The following LINGO2 variants were observed in gnomAD, a reference collection of about 807,000 sequenced individuals.
The protein encoded by LINGO2 is leucine rich repeat and Ig domain containing 2.
Under a neutral mutation model 30.6 loss-of-function variants are expected in LINGO2, and 14 were observed. The ratio of observed to expected loss-of-function variants is 0.46; its 90% CI spans 0.30 to 0.72. The LOEUF (loss-of-function observed/expected upper bound fraction) is 0.72, where lower values mean the gene tolerates loss of function less well. LINGO2 is among the 30% of genes least tolerant of loss of function. The pLI is 0.07. For missense variants in LINGO2, 729 were observed against 751.7 expected (o/e 0.97, Z 0.35); for synonymous variants, 317 against 288.5 (o/e 1.10, Z -1.00).
chr9:28,516,010 C>T (rs1262745471), intron 1 of LINGO2, among the ~76,000 whole-genome samples: 1 of 152,172 alleles, frequency 6.6e-6, no homozygotes, highest in Non-Finnish European at 1.5e-5. Context: ...CAAGATCTTC[C>T]ACCAGCAAAA....
chr9:28,232,683 T>C (rs1821401080), intron 4 of LINGO2, among the ~76,000 whole-genome samples: 1 of 151,966 alleles, frequency 6.6e-6, no homozygotes, highest in Admixed American at 6.6e-5. Flanking sequence ...ACTGCAGTCA[T>C]TATTCTGTAC....
At chr9:28,944,142 T>C in the LINGO2 span, among the ~76,000 whole-genome samples, 2 of 152,170 alleles carry the variant, frequency 1.3e-5, no homozygotes, top group African/African-American at 4.8e-5. Context: ...TCTAGACAGT[T>C]ATCTTTGTCT....
At chr9:28,517,629 C>T (rs562585152) in intron 1 of LINGO2, among the ~76,000 whole-genome samples, 3 of 152,312 alleles carry the variant, frequency 2.0e-5, no homozygotes, top group Non-Finnish European at 2.9e-5. Context: ...ATTTGGAAAG[C>T]AGTCATCTAG....
chr9:28,771,455 GTGTGTGTGT>G, the LINGO2 span, among the ~76,000 whole-genome samples: 862 of 67,616 alleles, frequency 0.013, 11 homozygotes, highest in African/African-American at 0.05. Flanking sequence ...CCTATTTGGT[GTGTGTGTGT>G]GTGTGTGTGT....
the LINGO2 span, among the ~76,000 whole-genome samples, chr9:28,719,248 T>G: frequency 6.6e-6 from 1 of 152,032 alleles, no homozygotes; most frequent in Non-Finnish European, 1.5e-5. Context: ...CTCCTCTCTC[T>G]TAGCTCTTTC....
chr9:28,320,063 G>A (rs1385383740), intron 3 of LINGO2, among the ~76,000 whole-genome samples: 2 of 151,974 alleles, frequency 1.3e-5, no homozygotes, highest in East Asian at 1.9e-4. Flanking sequence ...CCAGCTATAC[G>A]AATATTTTAG....
chr9:28,848,782 C>A, the LINGO2 span, among the ~76,000 whole-genome samples: 1 of 151,788 alleles, frequency 6.6e-6, no homozygotes, highest in African/African-American at 2.4e-5. Flanking sequence ...ATATTGTAAT[C>A]CCATCCTGAG....
At chr9:27,970,014 G>C (rs1160101916) in intron 5 of LINGO2, among the ~76,000 whole-genome samples, 6 of 152,134 alleles carry the variant, frequency 3.9e-5, no homozygotes, top group Admixed American at 1.3e-4. Flanking sequence ...CTTTATCAAG[G>C]CCTCATAATG....
intron 3 of LINGO2, among the ~76,000 whole-genome samples, chr9:28,348,632 T>C (rs536404604): frequency 1.0e-3 from 153 of 152,264 alleles, no homozygotes; most frequent in Middle Eastern, 3.4e-3. Context: ...AAGCTGGAAC[T>C]GGGTGGAGCC....
At chr9:28,337,823 G>A (rs1825638624) in intron 3 of LINGO2, among the ~76,000 whole-genome samples, 1 of 152,106 alleles carries the variant, frequency 6.6e-6, no homozygotes, top group South Asian at 2.1e-4. Context: ...GATTTCAGAG[G>A]ATGTATGGAA....
chr9:28,515,204 A>ATTT (rs58265226), intron 1 of LINGO2, among the ~76,000 whole-genome samples: 1 of 102,980 alleles, frequency 9.7e-6, no homozygotes, highest in African/African-American at 3.3e-5. Flanking sequence ...TAAGAAATAC[A>ATTT]TTTTTTTTTT....
chr9:28,109,503 C>T (rs1826706113), intron 4 of LINGO2, among the ~76,000 whole-genome samples: 1 of 152,130 alleles, frequency 6.6e-6, no homozygotes, highest in African/African-American at 2.4e-5. Context: ...ACCTAATCCA[C>T]TCACCCCCAA....
chr9:29,162,109 G>A, the LINGO2 span, among the ~76,000 whole-genome samples: 2 of 151,912 alleles, frequency 1.3e-5, no homozygotes, highest in Non-Finnish European at 2.9e-5. Context: ...GGGTAGGTAC[G>A]GACTTTCATC....
At chr9:28,291,361 C>G (rs1291132454) in intron 4 of LINGO2, among the ~76,000 whole-genome samples, 2 of 152,174 alleles carry the variant, frequency 1.3e-5, no homozygotes, top group Non-Finnish European at 2.9e-5. Flanking sequence ...ATTACTACAT[C>G]CACGTGTTCC....
chr9:29,053,083 T>A, the LINGO2 span, among the ~76,000 whole-genome samples: 1 of 152,166 alleles, frequency 6.6e-6, no homozygotes, highest in African/African-American at 2.4e-5. Context: ...CTTTCTCTTC[T>A]GTTTTGAGTG....
chr9:27,997,943 G>T (rs1480365263), intron 5 of LINGO2, among the ~76,000 whole-genome samples: 1 of 130,402 alleles, frequency 7.7e-6, no homozygotes, highest in Non-Finnish European at 1.6e-5. Flanking sequence ...GGATTCACAT[G>T]AGCCTTTTTT....
chr9:28,536,988 G>C (rs73644059), intron 1 of LINGO2, among the ~76,000 whole-genome samples: 1 of 151,998 alleles, frequency 6.6e-6, no homozygotes, highest in Non-Finnish European at 1.5e-5. Context: ...AACAGAATGG[G>C]CCTCTAATTC....
chr9:28,396,518 C>T (rs1822048141), intron 2 of LINGO2, among the ~76,000 whole-genome samples: 2 of 151,788 alleles, frequency 1.3e-5, no homozygotes, highest in African/African-American at 2.4e-5. Flanking sequence ...TCCAGGCTAA[C>T]GTGGTGAAAC....
At chr9:29,058,286 A>C in the LINGO2 span, among the ~76,000 whole-genome samples, 1 of 152,142 alleles carries the variant, frequency 6.6e-6, no homozygotes, top group Non-Finnish European at 1.5e-5. Context: ...TGAGAACTGA[A>C]AAAGACATCT....
Sources: allele counts gnomAD v4.1 joint callset (sites outside exome capture counted in the v4.1 genomes callset), GRCh38; gene constraint gnomAD v4.1.1; transcripts MANE v1.5; gene names NCBI Gene and HGNC (gene_info 2026-07-23, HGNC 2026-07-21).